The following TUBGCP4 variants were observed in gnomAD, a reference collection of about 807,000 sequenced individuals.
TUBGCP4 encodes tubulin gamma complex component 4.
In TUBGCP4, 54 loss-of-function variants were observed where a neutral mutation model predicts 91.6. The observed-to-expected ratio is 0.59, with a 90% CI of 0.47 to 0.74. The LOEUF (loss-of-function observed/expected upper bound fraction) is 0.74. Ranked by LOEUF, TUBGCP4 falls within the 30% of genes least tolerant of loss-of-function variation. The pLI is 0.00. For missense variants in TUBGCP4, 593 were observed against 800.9 expected (o/e 0.74, Z 3.13); for synonymous variants, 297 against 302.8 (o/e 0.98, Z 0.20).
chr15:43,402,581 A>G (rs1416991945), intron 15 of TUBGCP4: 2 of 152,218 alleles, frequency 1.3e-5, no homozygotes, highest in South Asian at 2.1e-4. Flanking sequence ...CGATCTATGT[A>G]TGTGTTTCTG....
In TUBGCP4 at chr15:43,408,973, C is replaced by T; in HGVS notation, c.*3759C>T. On this transcript the variant is annotated 3_prime_UTR_variant, in exon 18 of 18. Transcript: ENST00000564079. ...TTACGGTAGTTCTGGAGCTGGTTGG[C>T]ATGGCAACTATCATGGACCCAGACA... 1.2e-6 allele frequency: 2 copies of T among 1,614,198 alleles called. No individual in the cohort carries two copies. The highest frequency in any genetic ancestry group is 1.7e-6 in the Non-Finnish European group (2 of 1,180,022).
chr15:43,404,325 T>C, intron 16 of TUBGCP4, 88 bp from the exon 17 acceptor site: 2 of 1,525,644 alleles, frequency 1.3e-6, no homozygotes, highest in South Asian at 1.2e-5. Context: ...ACAAGGCTTT[T>C]CCAAGAAACT....
At position 43,376,389 on chromosome 15, in the gene TUBGCP4, CA is replaced by C; in HGVS notation, c.208-112del. 1.9e-6 allele frequency: 3 copies of C among 1,600,650 alleles called. No homozygotes were observed. In the South Asian group the frequency reaches 3.3e-5, roughly 18 times the overall value. The stretch of plus-strand genomic sequence containing the variant: ...ATCACTAGAAATATTCAAGTGAAGG[CA>C]AGGCCTCTAATTGGTTTGTTTGTAT... On this transcript the variant is annotated intron_variant, in intron 2 of 17. Transcript: ENST00000564079.
Position 43,385,777 on chromosome 15 carries a change from CT to C in TUBGCP4, c.724-11del, listed in dbSNP as rs200679530. 41,286 of 1,613,608 alleles carry C rather than the reference CT, an allele frequency of 0.026. 736 individuals are homozygous for C. The highest frequency in any genetic ancestry group is 0.047 in the Middle Eastern group (283 of 6,060). On this transcript the variant is annotated splice_polypyrimidine_tract_variant and intron_variant, in intron 7 of 17. Coordinates refer to ENST00000564079, the MANE Select transcript of TUBGCP4 (RefSeq NM_014444.5). ...TTCACACTGCATCTCGATGTGTACT[CT>C]TTCCTTGACTAGCGCCTGATTGAGG...
At chr15:43,399,929 T>C (rs1595498269) in intron 13 of TUBGCP4, 115 bp from the exon 14 acceptor site, 2 of 629,952 alleles carry the variant, frequency 3.2e-6, no homozygotes, top group Non-Finnish European at 5.2e-6. Flanking sequence ...AGTCACTCTT[T>C]CCTTACTGCC....
chr15:43,391,010 T>C (rs1488612893), intron 9 of TUBGCP4, among the ~76,000 whole-genome samples: 1 of 151,458 alleles, frequency 6.6e-6, no homozygotes, highest in East Asian at 1.9e-4. Flanking sequence ...TCTTTTCTTT[T>C]CTTCTTTTTT....
intron 1 of TUBGCP4, among the ~76,000 whole-genome samples, chr15:43,373,200 A>G (rs2044150802): frequency 6.6e-6 from 1 of 152,264 alleles, no homozygotes; most frequent in Non-Finnish European, 1.5e-5. Context: ...ATTAAAAGTA[A>G]ACAAAACTAC....
intron 10 of TUBGCP4, 166 bp downstream of exon 10, chr15:43,395,323 A>G: frequency 1.3e-6 from 1 of 766,310 alleles, no homozygotes; most frequent in Non-Finnish European, 2.2e-6. Flanking sequence ...AATCTACGAT[A>G]ATACAAAGAT....
rs748820688 is a variant in TUBGCP4, at chr15:43,386,377, A to ATTTT, written c.1014+67_1014+70dup. On this transcript the variant is annotated intron_variant, in intron 9 of 17. Coordinates refer to ENST00000564079, the MANE Select transcript of TUBGCP4 (RefSeq NM_014444.5). Reference sequence around the variant, plus strand: ...TATATATATATATATATATATATATATTTTTTTTTTTTTTTTTTTTTTTCT... The same window carrying ATTTT: ...TATATATATATATATATATATATATATTTTTTTTTTTTTTTTTTTTTTTTTTTCT... 105 of 19,136 alleles carry ATTTT rather than the reference A, an allele frequency of 5.5e-3. 6 individuals carry two copies. The highest frequency in any genetic ancestry group is 0.012 in the African/African-American group (42 of 3,390). The allele number at this position is 19,136 out of a possible 1,614,324, so 1.2% of individuals were successfully genotyped here. A position where few individuals can be genotyped will look rare whatever the true frequency, so the allele number is the denominator to read the frequency against.
chr15:43,407,139 A>C lies in TUBGCP4; in HGVS notation c.*1925A>C, dbSNP rs564488696. ...CTCCGTAAGTGAATAAGCCTGTTGA[A>C]AGACTCAGAGAAAGTACTATGTCTT... is the stretch of plus-strand genomic sequence containing the variant. On this transcript the variant is annotated 3_prime_UTR_variant, in exon 18 of 18. Transcript: ENST00000564079. 5.8e-4 allele frequency: 258 copies of C among 444,742 alleles called. 2 individuals are homozygous for C. Among genetic ancestry groups the C allele is most frequent in the South Asian group, 5.1e-3 (158 of 31,026 alleles). The allele number at this position is 444,742 out of a possible 1,614,324, so 27.5% of individuals were successfully genotyped here.
intron 5 of TUBGCP4, among the ~76,000 whole-genome samples, chr15:43,379,672 A>T (rs565242172): frequency 1.3e-5 from 2 of 152,154 alleles, no homozygotes; most frequent in East Asian, 3.9e-4. Flanking sequence ...AGTCTGAAGA[A>T]CATAGAGGCA....
At chr15:43,395,081 C>T in intron 9 of TUBGCP4, 26 bp from the exon 10 acceptor site, 1 of 1,613,484 alleles carries the variant, frequency 6.2e-7, no homozygotes, top group Non-Finnish European at 8.5e-7. Context: ...TGAAATTTGT[C>T]CCTGTTTTGT....
At chr15:43,376,732 G>A (rs2044211233) in intron 3 of TUBGCP4, 107 bp downstream of exon 3, 1 of 1,474,392 alleles carries the variant, frequency 6.8e-7, no homozygotes, top group Non-Finnish European at 9.3e-7. Flanking sequence ...GTGAGCAGTT[G>A]CCTGCATGGC....
rs1051357648 is a variant in TUBGCP4 at position 43,408,822 on chromosome 15, T to C, written c.*3608T>C. ...CCAATTTCTAGAAAGCTTTACTCTC[T>C]CACCTAGATTCTCTTCCCTCCAAAG... is the stretch of plus-strand genomic sequence containing the variant. On this transcript the variant is annotated 3_prime_UTR_variant, in exon 18 of 18. Transcript: ENST00000564079. The C allele has an allele frequency of 6.9e-7, 1 of 1,449,348 alleles. No homozygotes were observed. Among genetic ancestry groups the C allele is most frequent in the Non-Finnish European group, 9.6e-7 (1 of 1,036,284 alleles). 89.8% of individuals were successfully genotyped at this position (1,449,348 alleles called of 1,614,324 possible).
rs115319438 is a variant in TUBGCP4 at position 43,397,569 on chromosome 15, T to C, written c.1279+248T>C. Among the ~76,000 whole-genome samples, 848 of 152,074 alleles carry C rather than the reference T, an allele frequency of 5.6e-3. 6 individuals carry two copies. Among genetic ancestry groups the C allele is most frequent in the African/African-American group, 0.02 (815 of 41,454 alleles). ...TTTTTTTGTCATGCTGCTGGAATGG[T>C]GCCTGTTTATTTCCAGCCCCCAGAT... On this transcript the variant is annotated intron_variant, in intron 12 of 17. Coordinates refer to ENST00000564079, the MANE Select transcript of TUBGCP4 (RefSeq NM_014444.5).
intron 17 of TUBGCP4, chr15:43,404,774 T>A: frequency 1.8e-6 from 1 of 563,740 alleles, no homozygotes; most frequent in South Asian, 2.4e-5. Context: ...GTGAGATAGG[T>A]GTTAAGTCCT....
intron 9 of TUBGCP4, among the ~76,000 whole-genome samples, chr15:43,388,477 A>G (rs1036667421): frequency 6.6e-6 from 1 of 152,166 alleles, no homozygotes; most frequent in African/African-American, 2.4e-5. Context: ...GTCCTTTCAA[A>G]ATTTTAAGAC....
chr15:43,398,006 A>G, intron 12 of TUBGCP4, 35 bp from the exon 13 acceptor site: 2 of 1,587,784 alleles, frequency 1.3e-6, no homozygotes, highest in Non-Finnish European at 1.7e-6. Flanking sequence ...CCAAGTTGTT[A>G]TCTTTTCTTT....
chr15:43,394,848 G>A (rs1210651593), intron 9 of TUBGCP4: 8 of 467,090 alleles, frequency 1.7e-5, no homozygotes, highest in Non-Finnish European at 2.3e-5. Context: ...TAGAAGCCAA[G>A]CTGAAGCCAC....
Sources: allele counts gnomAD v4.1 joint callset (sites outside exome capture counted in the v4.1 genomes callset), GRCh38; gene constraint gnomAD v4.1.1; transcripts MANE v1.5; gene names NCBI Gene and HGNC (gene_info 2026-07-23, HGNC 2026-07-21).